The following ZRANB3 variants were observed in gnomAD, a reference collection of about 807,000 sequenced individuals.
The protein encoded by ZRANB3 is zinc finger RANBP2-type containing 3, also known as DNA annealing helicase and endonuclease ZRANB3.
In ZRANB3, 125 loss-of-function variants were observed where a neutral mutation model predicts 133.8. The observed-to-expected ratio is 0.93, with a 90% CI of 0.81 to 1.08. The LOEUF (loss-of-function observed/expected upper bound fraction) is 1.08. ZRANB3 is among the 50% of genes least tolerant of loss of function. The pLI is 0.00. For missense variants in ZRANB3, 1,229 were observed against 1,275.5 expected, an observed-to-expected ratio of 0.96 and a Z score of 0.56; for synonymous variants, 387 against 432.7, an observed-to-expected ratio of 0.89 and a Z score of 1.31.
At chr2:135,507,659 C>CTTT (rs75194097) in intron 1 of ZRANB3, among the ~76,000 whole-genome samples, 5 of 145,220 alleles carry the variant, frequency 3.4e-5, no homozygotes, top group Non-Finnish European at 7.6e-5. Context: ...TTCAAGACTC[C>CTTT]TTTTTTTTTT....
intron 2 of ZRANB3, among the ~76,000 whole-genome samples, chr2:135,448,826 A>G (rs557382295): frequency 1.3e-5 from 2 of 152,348 alleles, no homozygotes; most frequent in African/African-American, 4.8e-5. Context: ...AAACATGCAC[A>G]TGAATAATAG....
At chr2:135,458,551 G>C (rs928580477) in intron 2 of ZRANB3, among the ~76,000 whole-genome samples, 1 of 152,014 alleles carries the variant, frequency 6.6e-6, no homozygotes, top group Admixed American at 6.6e-5. Flanking sequence ...TACATACCAC[G>C]TTAACCACTT....
intron 8 of ZRANB3, among the ~76,000 whole-genome samples, chr2:135,310,738 C>T (rs1682930142): frequency 3.3e-5 from 5 of 151,858 alleles, no homozygotes. Flanking sequence ...ATTATTTCTC[C>T]TACTTGATCT....
At chr2:135,374,664 C>A (rs1686340641) in intron 3 of ZRANB3, among the ~76,000 whole-genome samples, 1 of 151,840 alleles carries the variant, frequency 6.6e-6, no homozygotes, top group African/African-American at 2.4e-5. Flanking sequence ...ACCACACCTG[C>A]CTAATTTTTG....
intron 8 of ZRANB3, among the ~76,000 whole-genome samples, chr2:135,312,091 C>A (rs1015935881): frequency 6.6e-6 from 1 of 151,388 alleles, no homozygotes; most frequent in African/African-American, 2.4e-5. Context: ...TTTGTCAAGC[C>A]TCATCCAACC....
At chr2:135,282,082 C>T (rs1681123105) in intron 8 of ZRANB3, among the ~76,000 whole-genome samples, 1 of 152,088 alleles carries the variant, frequency 6.6e-6, no homozygotes, top group African/African-American at 2.4e-5. Context: ...AATATATATG[C>T]ATTTTATTTA....
intron 3 of ZRANB3, chr2:135,355,287 G>T (rs1009120657): frequency 1.0e-6 from 1 of 984,560 alleles, no homozygotes; most frequent in Non-Finnish European, 1.2e-6. Flanking sequence ...TTTCACACCC[G>T]AAGCCACTCA....
intron 2 of ZRANB3, among the ~76,000 whole-genome samples, chr2:135,408,007 CAAAAG>C (rs988798354): frequency 6.6e-6 from 1 of 151,652 alleles, no homozygotes; most frequent in African/African-American, 2.4e-5. Flanking sequence ...TTCTGCACAG[CAAAAG>C]AAACTACCAT....
At chr2:135,510,200 A>AGTCTTGCG (rs1693386535) in intron 1 of ZRANB3, among the ~76,000 whole-genome samples, 1 of 152,232 alleles carries the variant, frequency 6.6e-6, no homozygotes, top group Non-Finnish European at 1.5e-5. Flanking sequence ...AATGTCAGTA[A>AGTCTTGCG]TACGCAAGAC....
chr2:135,227,347 T>C (rs1224759741), intron 14 of ZRANB3, among the ~76,000 whole-genome samples: 1 of 152,246 alleles, frequency 6.6e-6, no homozygotes, highest in Non-Finnish European at 1.5e-5. Context: ...AGTCTTGACA[T>C]TATGTTCCCT....
intron 8 of ZRANB3, among the ~76,000 whole-genome samples, chr2:135,304,912 T>C (rs1392374705): frequency 6.6e-6 from 1 of 150,664 alleles, no homozygotes; most frequent in African/African-American, 2.5e-5. Flanking sequence ...GGTAAATTAC[T>C]TTCTTCTCTA....
At chr2:135,363,489 T>C (rs956623840) in intron 3 of ZRANB3, among the ~76,000 whole-genome samples, 2 of 152,254 alleles carry the variant, frequency 1.3e-5, no homozygotes, top group African/African-American at 2.4e-5. Flanking sequence ...TTGTACGTTT[T>C]AAATCTGTTT....
chr2:135,310,972 A>G (rs1461224754), intron 8 of ZRANB3, among the ~76,000 whole-genome samples: 1 of 151,700 alleles, frequency 6.6e-6, no homozygotes, highest in South Asian at 2.1e-4. Context: ...AAAAAAAAAA[A>G]GGAAGAAAAA....
intron 1 of ZRANB3, among the ~76,000 whole-genome samples, chr2:135,523,487 T>TATGGTTTTATTTGGC (rs1327448439): frequency 6.6e-6 from 1 of 152,236 alleles, no homozygotes; most frequent in Non-Finnish European, 1.5e-5. Context: ...TAGACTTTCT[T>TATGGTTTTATTTGGC]ATGGTTTTAT....
chr2:135,384,508 C>T (rs1176842898), intron 3 of ZRANB3, among the ~76,000 whole-genome samples: 1 of 152,160 alleles, frequency 6.6e-6, no homozygotes, highest in African/African-American at 2.4e-5. Context: ...GCAGCATCAT[C>T]CTGATACCAA....
In ZRANB3 at chr2:135,399,136, C is replaced by G. The variant is rs1397410557; in HGVS notation, c.162-8316G>C. ...TGAACGGCCATACATGTACATGGACCAACAGTAAAAAGGCACAATAGAATA... is the reference window on the plus strand; with the variant it reads ...TGAACGGCCATACATGTACATGGACGAACAGTAAAAAGGCACAATAGAATA... On this transcript the variant is annotated intron_variant, in intron 2 of 20. Transcript: ENST00000264159. Among the ~76,000 whole-genome samples, 4 of 151,966 alleles carry G rather than the reference C, an allele frequency of 2.6e-5. No individual in the cohort carries two copies. The South Asian group carries it at 8.3e-4, about 32-fold the overall frequency.
intron 2 of ZRANB3, among the ~76,000 whole-genome samples, chr2:135,491,227 C>A (rs1207235874): frequency 6.6e-6 from 1 of 152,072 alleles, no homozygotes; most frequent in Non-Finnish European, 1.5e-5. Flanking sequence ...ATCTGGTTTA[C>A]AGATGAGAAC....
At chr2:135,438,443 T>G (rs1689640873) in intron 2 of ZRANB3, among the ~76,000 whole-genome samples, 1 of 144,356 alleles carries the variant, frequency 6.9e-6, no homozygotes, top group Non-Finnish European at 1.5e-5. Context: ...AGGCAGAGGG[T>G]GCAGTGAACC....
intron 16 of ZRANB3, among the ~76,000 whole-genome samples, chr2:135,218,856 C>CTG (rs1253016856): frequency 6.6e-6 from 1 of 152,090 alleles, no homozygotes; most frequent in Non-Finnish European, 1.5e-5. Flanking sequence ...GAAACAGCAA[C>CTG]TGTAGGTGTG....
Sources: allele counts gnomAD v4.1 joint callset (sites outside exome capture counted in the v4.1 genomes callset), GRCh38; gene constraint gnomAD v4.1.1; transcripts MANE v1.5; gene names NCBI Gene and HGNC (gene_info 2026-07-23, HGNC 2026-07-21).